The following SEPTIN7 variants were observed in gnomAD, a reference collection of about 807,000 sequenced individuals.
The protein encoded by SEPTIN7 is septin 7, also known as septin-7.
A neutral mutation model predicts 63.3 loss-of-function variants in SEPTIN7; 10 were observed. The ratio of observed to expected loss-of-function variants is 0.16; its 90% CI spans 0.10 to 0.27. SEPTIN7 has a LOEUF of 0.27. Among genes scored for constraint, SEPTIN7 ranks in the 10% least tolerant of loss-of-function variants. SEPTIN7 has a pLI of 1.00. For synonymous variants in SEPTIN7, 131 were observed against 165.3 expected (o/e 0.79, Z 1.59); for missense variants, 310 against 521.0 (o/e 0.59, Z 3.94).
chr7:35,908,848 A>C (rs1016444757), downstream of SEPTIN7, among the ~76,000 whole-genome samples: 2 of 152,272 alleles, frequency 1.3e-5, no homozygotes, highest in Admixed American at 1.3e-4. Flanking sequence ...TACCAAACTA[A>C]CTTGTTCTGG....
At chr7:35,915,489 T>C in the SEPTIN7 span, among the ~76,000 whole-genome samples, 1 of 152,362 alleles carries the variant, frequency 6.6e-6, no homozygotes, top group South Asian at 2.1e-4. Context: ...CTGTGAAATA[T>C]CACTAATGTC....
At chr7:35,893,069 A>G (rs946602587) in intron 11 of SEPTIN7, among the ~76,000 whole-genome samples, 10 of 152,184 alleles carry the variant, frequency 6.6e-5, no homozygotes, top group Non-Finnish European at 1.3e-4. Context: ...TTTCTTTAAA[A>G]GTCATTAACA....
intron 4 of SEPTIN7, among the ~76,000 whole-genome samples, chr7:35,867,560 G>A (rs554555261): frequency 4.5e-4 from 68 of 151,428 alleles, no homozygotes; most frequent in African/African-American, 1.5e-3. Context: ...TTGTTGGCCA[G>A]GCTGGTCTCG....
chr7:35,881,109 A>G (rs1786847572), intron 7 of SEPTIN7, among the ~76,000 whole-genome samples: 1 of 151,922 alleles, frequency 6.6e-6, no homozygotes, highest in Admixed American at 6.6e-5. Context: ...GAAACCTGTT[A>G]TAAAAAGCCT....
chr7:35,821,219 G>A (rs1355096411), intron 1 of SEPTIN7, among the ~76,000 whole-genome samples: 2 of 152,166 alleles, frequency 1.3e-5, no homozygotes, highest in African/African-American at 2.4e-5. Context: ...TCTTGAATCA[G>A]CATTACCTGG....
At chr7:35,877,003 C>T (rs963643861) in intron 6 of SEPTIN7, among the ~76,000 whole-genome samples, 1 of 152,094 alleles carries the variant, frequency 6.6e-6, no homozygotes, top group Admixed American at 6.6e-5. Flanking sequence ...GGGGTGCACT[C>T]TGTAGTCCTA....
intron 2 of SEPTIN7, among the ~76,000 whole-genome samples, chr7:35,832,315 A>G (rs1783871038): frequency 6.6e-6 from 1 of 152,102 alleles, no homozygotes; most frequent in African/African-American, 2.4e-5. Flanking sequence ...AATTGCTTTA[A>G]ATTCAACATT....
intron 12 of SEPTIN7, chr7:35,898,945 C>T (rs1788127882): frequency 6.6e-6 from 1 of 152,140 alleles, no homozygotes; most frequent in South Asian, 2.1e-4. Context: ...CCTGGTGTTA[C>T]AACATTGGGC....
intron 3 of SEPTIN7, among the ~76,000 whole-genome samples, chr7:35,849,795 C>A (rs377171151): frequency 6.6e-6 from 1 of 152,032 alleles, no homozygotes; most frequent in African/African-American, 2.4e-5. Context: ...AGTAAAAGGC[C>A]TTCTGGTTGT....
downstream of SEPTIN7, among the ~76,000 whole-genome samples, chr7:35,911,678 G>A (rs1323336498): frequency 6.6e-6 from 1 of 152,194 alleles, no homozygotes; most frequent in Admixed American, 6.5e-5. Context: ...TGGAACCGTG[G>A]CAGTATAGTG....
intron 5 of SEPTIN7, 42 bp from the exon 6 acceptor site, chr7:35,873,599 T>TA: frequency 6.3e-7 from 1 of 1,576,338 alleles, no homozygotes; most frequent in Non-Finnish European, 8.6e-7. Flanking sequence ...AGTTAATTCA[T>TA]ATGTAGAATT....
Position 35,867,245 on chromosome 7 carries a change from A to T in SEPTIN7, c.276+3587A>T, listed in dbSNP as rs780157382. On this transcript the variant is annotated intron_variant, in intron 4 of 13. Coordinates refer to ENST00000350320, the MANE Select transcript of SEPTIN7 (RefSeq NM_001788.6). ...CTTCATGTTTCAGTATCAAATATAG[A>T]TACCCAGATTAACAAAATTTTTTGG... is the stretch of plus-strand genomic sequence containing the variant. Among the ~76,000 whole-genome samples, 67 of 152,256 alleles carry T rather than the reference A, an allele frequency of 4.4e-4. 1 individual carries two copies. The highest frequency in any genetic ancestry group is 1.0e-4 in the Non-Finnish European group (7 of 68,052).
chr7:35,843,908 G>A (rs1784531728), intron 3 of SEPTIN7, among the ~76,000 whole-genome samples: 1 of 152,162 alleles, frequency 6.6e-6, no homozygotes, highest in East Asian at 1.9e-4. Context: ...AGAATCAAAT[G>A]TGAAGATTTG....
chr7:35,827,294 A>G (rs1210006813), intron 1 of SEPTIN7, among the ~76,000 whole-genome samples: 4 of 148,990 alleles, frequency 2.7e-5, no homozygotes, highest in African/African-American at 2.5e-5. Flanking sequence ...AAATGCCACA[A>G]TTGTATCACT....
Position 35,904,379 on chromosome 7 carries a change from G to T in SEPTIN7, c.*86G>T. The T allele has an allele frequency of 1.8e-6, 2 of 1,123,148 alleles. No homozygotes were observed. The highest frequency in any genetic ancestry group is 2.5e-6 in the Non-Finnish European group (2 of 800,640). 69.6% of individuals were successfully genotyped at this position (1,123,148 alleles called of 1,614,324 possible). On this transcript the variant is annotated 3_prime_UTR_variant, in exon 14 of 14. Transcript: ENST00000350320. The stretch of plus-strand genomic sequence containing the variant: ...TTTGTTGGATCCGTTTGACCAATTT[G>T]CACCAGTTTTATCCATAATGATGGA...
chr7:35,875,477 T>A (rs1378779981), intron 6 of SEPTIN7, among the ~76,000 whole-genome samples: 2 of 152,198 alleles, frequency 1.3e-5, no homozygotes, highest in Non-Finnish European at 2.9e-5. Flanking sequence ...GGGTAGTCCC[T>A]GGGTTCCCTT....
chr7:35,814,713 T>C (rs971060430), intron 1 of SEPTIN7, among the ~76,000 whole-genome samples: 2 of 152,138 alleles, frequency 1.3e-5, no homozygotes, highest in African/African-American at 2.4e-5. Context: ...TGGTGGCTCA[T>C]GCCTGTAATC....
At chr7:35,815,559 C>T (rs938633037) in intron 1 of SEPTIN7, among the ~76,000 whole-genome samples, 6 of 152,146 alleles carry the variant, frequency 3.9e-5, no homozygotes, top group African/African-American at 1.4e-4. Flanking sequence ...ACCTATTGTA[C>T]ACATAGATGT....
rs1240264197 is a variant in SEPTIN7, at chr7:35,806,962, AG to A, written c.61+5694del. Among the ~76,000 whole-genome samples the A allele has an allele frequency of 2.6e-5, 4 of 152,206 alleles. No individual in the cohort carries two copies. The East Asian group carries it at 5.8e-4, about 22-fold the overall frequency. On this transcript the variant is annotated intron_variant, in intron 1 of 13. Transcript: ENST00000350320. ...TCTTTGGCTCTGATTGACTGTTTTCAGGAAAATCAAAACTATTTTCCACCAG... is the reference window on the plus strand; with the variant it reads ...TCTTTGGCTCTGATTGACTGTTTTCAGAAAATCAAAACTATTTTCCACCAG...
Sources: allele counts gnomAD v4.1 joint callset (sites outside exome capture counted in the v4.1 genomes callset), GRCh38; gene constraint gnomAD v4.1.1; transcripts MANE v1.5; gene names NCBI Gene and HGNC (gene_info 2026-07-23, HGNC 2026-07-21).